PPP2R2C: variants seen among roughly 807,000 people sequenced by gnomAD.
The protein encoded by PPP2R2C is protein phosphatase 2, regulatory subunit B, gamma.
PPP2R2C carries 10 observed loss-of-function variants against 45.3 expected under a neutral mutation model. The observed-to-expected ratio is 0.22, with a 90% CI of 0.14 to 0.37. The LOEUF is 0.37. PPP2R2C is among the 10% of genes least tolerant of loss of function. PPP2R2C has a pLI of 1.00. For synonymous variants in PPP2R2C, 257 were observed against 245.4 expected (o/e 1.05, Z -0.44); for missense variants, 308 against 619.7 (o/e 0.50, Z 5.34).
chr4:6,508,025 G>A (rs1434234104), intron 2 of PPP2R2C, among the ~76,000 whole-genome samples: 4 of 152,202 alleles, frequency 2.6e-5, no homozygotes, highest in Admixed American at 2.6e-4. Context: ...CGTGGTCTCA[G>A]GTACTCAGGA....
chr4:6,382,964 G>A (rs914338824), intron 1 of PPP2R2C: 18 of 1,070,582 alleles, frequency 1.7e-5, no homozygotes, highest in Admixed American at 9.9e-5. Flanking sequence ...CCCACCTGCC[G>A]AGGCCCAGGT....
rs540704843 is a variant in PPP2R2C at position 6,533,814 on chromosome 4, G to A, written c.49+1457C>T. Among the ~76,000 whole-genome samples the A allele has an allele frequency of 1.1e-4, 17 of 152,186 alleles. No homozygotes were observed. The South Asian group carries it at 2.7e-3, about 24-fold the overall frequency. ...ATGAGGATCTACCTACAGGCCCGTC[G>A]ACCCGGGTGGCCGTTACATAGCAGG... is the stretch of plus-strand genomic sequence containing the variant. On this transcript the variant is annotated intron_variant, in intron 2 of 9. Transcript: ENST00000506140.
chr4:6,421,001 T>A (rs951884517), intron 1 of PPP2R2C: 1 of 985,134 alleles, frequency 1.0e-6, no homozygotes. Context: ...TTCTCCTCGA[T>A]GTGCCTGAGG....
chr4:6,421,259 G>A (rs1265198655), intron 1 of PPP2R2C: 3 of 440,024 alleles, frequency 6.8e-6, no homozygotes, highest in East Asian at 3.1e-4. Context: ...AATCATGGTC[G>A]CACTGGCTGG....
intron 2 of PPP2R2C, among the ~76,000 whole-genome samples, chr4:6,515,234 G>C (rs903356736): frequency 6.6e-6 from 1 of 152,170 alleles, no homozygotes; most frequent in African/African-American, 2.4e-5. Flanking sequence ...TGGAGGCTCT[G>C]GCAAACTGGG....
chr4:6,552,515 TC>T (rs1220425625), intron 1 of PPP2R2C, among the ~76,000 whole-genome samples: 1 of 151,924 alleles, frequency 6.6e-6, no homozygotes, highest in African/African-American at 2.4e-5. Flanking sequence ...TCTTTCTTTC[TC>T]CCTCTCTTCT....
At chr4:6,373,903 G>A (rs1577121198) in intron 4 of PPP2R2C, among the ~76,000 whole-genome samples, 2 of 70,610 alleles carry the variant, frequency 2.8e-5, no homozygotes, top group East Asian at 2.4e-4. Context: ...GTGCATGCAT[G>A]TGTGTGTGTG....
chr4:6,444,854 A>T (rs1178366871), intron 1 of PPP2R2C, among the ~76,000 whole-genome samples: 2 of 152,174 alleles, frequency 1.3e-5, no homozygotes, highest in African/African-American at 2.4e-5. Flanking sequence ...GATCGTTTCC[A>T]TGTGTTCACC....
Position 6,546,981 on chromosome 4 carries a change from A to T in PPP2R2C, c.-58-11604T>A, listed in dbSNP as rs574577984. On this transcript the variant is annotated intron_variant, in intron 1 of 9. Coordinates refer to the PPP2R2C transcript ENST00000506140. Reference sequence around the variant, plus strand: ...CAGCTAACGGCCCCCAAGCACAGGTAGCAGACAGCCTCTAAATGCTCCCAG... The same window carrying T: ...CAGCTAACGGCCCCCAAGCACAGGTTGCAGACAGCCTCTAAATGCTCCCAG... Among the ~76,000 whole-genome samples, 135 of 152,340 alleles carry T rather than the reference A, an allele frequency of 8.9e-4. 1 individual carries two copies. The highest frequency in any genetic ancestry group is 3.0e-3 in the African/African-American group (125 of 41,578).
At chr4:6,496,053 T>C (rs1722872132) in intron 2 of PPP2R2C, among the ~76,000 whole-genome samples, 1 of 152,178 alleles carries the variant, frequency 6.6e-6, no homozygotes, top group Admixed American at 6.5e-5. Context: ...TGTATCTCCC[T>C]AACCCCCCTC....
At chr4:6,374,758 G>C (rs1481606658) in intron 4 of PPP2R2C, among the ~76,000 whole-genome samples, 2 of 152,290 alleles carry the variant, frequency 1.3e-5, no homozygotes, top group East Asian at 3.9e-4. Context: ...GTTGAACCTT[G>C]CTCACCTCTA....
chr4:6,359,839 T>A (rs927095408), intron 5 of PPP2R2C, among the ~76,000 whole-genome samples: 3 of 152,144 alleles, frequency 2.0e-5, no homozygotes, highest in African/African-American at 7.2e-5. Flanking sequence ...TGCTCGCTCC[T>A]CTACAGGGCA....
At chr4:6,386,273 GCTGCC>G (rs1716202164) in intron 1 of PPP2R2C, among the ~76,000 whole-genome samples, 1 of 152,200 alleles carries the variant, frequency 6.6e-6, no homozygotes, top group Non-Finnish European at 1.5e-5. Flanking sequence ...GTGTCATAGG[GCTGCC>G]AGAACTCAGA....
chr4:6,467,108 C>T (rs34330982), intron 1 of PPP2R2C, among the ~76,000 whole-genome samples: 12,527 of 152,246 alleles, frequency 0.082, 722 homozygotes, highest in Non-Finnish European at 0.13. Flanking sequence ...GGAGCCCACA[C>T]TCGCTGTGAA....
intron 1 of PPP2R2C, among the ~76,000 whole-genome samples, chr4:6,402,128 G>A (rs1434884498): frequency 1.3e-5 from 2 of 152,204 alleles, no homozygotes; most frequent in Admixed American, 1.3e-4. Flanking sequence ...CGCTGTTGCT[G>A]TTCATCGCCT....
intron 1 of PPP2R2C, among the ~76,000 whole-genome samples, chr4:6,459,690 G>A (rs961461109): frequency 6.6e-6 from 1 of 152,158 alleles, no homozygotes. Context: ...GGGAGACTGA[G>A]AGACAAGAAT....
chr4:6,355,993 G>GAA (rs61011461), intron 5 of PPP2R2C, among the ~76,000 whole-genome samples: 1,280 of 97,780 alleles, frequency 0.013, 27 homozygotes, highest in Middle Eastern at 0.027. Flanking sequence ...ACTCTGCCTG[G>GAA]AAAAAAAAAA....
chr4:6,445,887 A>C lies in PPP2R2C; in HGVS notation c.70+26273T>G, dbSNP rs899770463. ...CCCTCTGCCCACAGTGTCGCAGAAC[A>C]TAACACAGGAGGACTCCTATCTCAC... is the stretch of plus-strand genomic sequence containing the variant. On this transcript the variant is annotated intron_variant, in intron 1 of 8. Coordinates refer to ENST00000382599, the MANE Select transcript of PPP2R2C (RefSeq NM_020416.4). Among the ~76,000 whole-genome samples, 41 of 152,234 alleles carry C rather than the reference A, an allele frequency of 2.7e-4. 1 individual carries two copies. Among genetic ancestry groups the C allele is most frequent in the Non-Finnish European group, 5.9e-4 (40 of 68,040 alleles).
intron 1 of PPP2R2C, among the ~76,000 whole-genome samples, chr4:6,416,459 T>C (rs1718591969): frequency 6.6e-6 from 1 of 152,180 alleles, no homozygotes; most frequent in African/African-American, 2.4e-5. Flanking sequence ...CTCCTCCTGA[T>C]CCTCACCTGT....
Sources: allele counts gnomAD v4.1 joint callset (sites outside exome capture counted in the v4.1 genomes callset), GRCh38; gene constraint gnomAD v4.1.1; transcripts MANE v1.5; gene names NCBI Gene and HGNC (gene_info 2026-07-23, HGNC 2026-07-21).